The following NMT2 variants were observed in gnomAD, a reference collection of about 807,000 sequenced individuals.
The protein encoded by NMT2 is glycylpeptide N-tetradecanoyltransferase 2.
Under a neutral mutation model 65.4 loss-of-function variants are expected in NMT2, and 35 were observed. The ratio of observed to expected loss-of-function variants is 0.54; its 90% CI spans 0.41 to 0.71. The LOEUF (loss-of-function observed/expected upper bound fraction) is 0.71. Among genes scored for constraint, NMT2 ranks in the 30% least tolerant of loss-of-function variants. The probability of loss-of-function intolerance (pLI) is 0.00; values close to 1 mark genes in which losing one functional copy is unlikely to be tolerated. For missense variants in NMT2, 489 were observed against 611.3 expected (o/e 0.80, Z 2.11); for synonymous variants, 226 against 231.8 (o/e 0.98, Z 0.23).
At chr10:15,157,081 A>C (rs983862566) in intron 1 of NMT2, among the ~76,000 whole-genome samples, 1 of 152,322 alleles carries the variant, frequency 6.6e-6, no homozygotes, top group African/African-American at 2.4e-5. Context: ...GGAAAAAACT[A>C]TGGGAATTTC....
Position 15,106,581 on chromosome 10 carries a change from G to C in NMT2, c.*2614C>G, listed in dbSNP as rs946511496. On this transcript the variant is annotated 3_prime_UTR_variant, in exon 12 of 12. Coordinates refer to ENST00000378165, the MANE Select transcript of NMT2 (RefSeq NM_004808.3). ...ATATTATGTACTACTGTGGGGCCCA[G>C]TCGCCCTCTGGTGGTAGTCTCAGGG... is the stretch of plus-strand genomic sequence containing the variant. 1.6e-5 allele frequency: 15 copies of C among 933,608 alleles called. No homozygotes were observed. The highest frequency in any genetic ancestry group is 1.9e-5 in the Non-Finnish European group (15 of 782,582). The allele number at this position is 933,608 out of a possible 1,614,324, so 57.8% of individuals were successfully genotyped here.
chr10:15,153,440 G>C (rs184096207), intron 1 of NMT2, among the ~76,000 whole-genome samples: 1 of 152,328 alleles, frequency 6.6e-6, no homozygotes, highest in East Asian at 1.9e-4. Flanking sequence ...GACACACCAA[G>C]AGTCCACAAC....
At chr10:15,145,319 G>A (rs1846924429) in intron 1 of NMT2, among the ~76,000 whole-genome samples, 1 of 152,148 alleles carries the variant, frequency 6.6e-6, no homozygotes, top group Admixed American at 6.6e-5. Flanking sequence ...AAAATTGATT[G>A]TACTGATGGG....
Position 15,154,299 on chromosome 10 carries a change from T to A in NMT2, c.111-12742A>T, listed in dbSNP as rs1832912984. ...AGCCTTGGCCATGAGGGTCCAGCAATAGGGGACTAAATAAATAATGGTACC... is the reference window on the plus strand; with the variant it reads ...AGCCTTGGCCATGAGGGTCCAGCAAAAGGGGACTAAATAAATAATGGTACC... On this transcript the variant is annotated intron_variant, in intron 1 of 11. Transcript: ENST00000378165. Among the ~76,000 whole-genome samples the A allele has an allele frequency of 3.3e-5, 5 of 152,194 alleles. No homozygotes were observed. In the South Asian group the frequency reaches 1.0e-3, roughly 31 times the overall value.
chr10:15,155,238 T>C lies in NMT2; in HGVS notation c.110+13265A>G, dbSNP rs757868281. The C allele has an allele frequency of 4.5e-5, 68 of 1,505,464 alleles. No individual in the cohort carries two copies. The African/African-American group carries it at 5.6e-4, about 13-fold the overall frequency. 93.3% of individuals were successfully genotyped at this position (1,505,464 alleles called of 1,614,324 possible). A position where few individuals can be genotyped will look rare whatever the true frequency, so the allele number is the denominator to read the frequency against. On this transcript the variant is annotated intron_variant, in intron 1 of 11. Transcript: ENST00000378165. ...ACGAAAGTTTTCTGTCTTTGGAAAC[T>C]TGTCTGCAAACAGTTCGAAGGAGAC...
intron 1 of NMT2, among the ~76,000 whole-genome samples, chr10:15,145,903 G>C (rs889639254): frequency 1.3e-5 from 2 of 152,118 alleles, no homozygotes; most frequent in Non-Finnish European, 2.9e-5. Context: ...CCCCGTGCCT[G>C]GGTGGGAGAG....
chr10:15,109,581 A>G, intron 11 of NMT2, 121 bp downstream of exon 11: 1 of 794,802 alleles, frequency 1.3e-6, no homozygotes, highest in Non-Finnish European at 1.8e-6. Flanking sequence ...AAAAAAATAA[A>G]TAAATAAATA....
chr10:15,107,773 T>C lies in NMT2; in HGVS notation c.*1422A>G, dbSNP rs1347419094. On this transcript the variant is annotated 3_prime_UTR_variant, in exon 12 of 12. Transcript: ENST00000378165. Reference sequence around the variant, plus strand: ...CCCAGCCAAGGCATCTACTTTGTGGTATCTGAGTTGAGGCCAGGCTACGTG... The same window carrying C: ...CCCAGCCAAGGCATCTACTTTGTGGCATCTGAGTTGAGGCCAGGCTACGTG... 1.0e-6 allele frequency: 1 copy of C among 978,406 alleles called. No individual in the cohort carries two copies. The highest frequency in any genetic ancestry group is 1.2e-6 in the Non-Finnish European group (1 of 829,778). The allele number at this position is 978,406 out of a possible 1,614,324, so 60.6% of individuals were successfully genotyped here. A position where few individuals can be genotyped will look rare whatever the true frequency, so the allele number is the denominator to read the frequency against.
intron 9 of NMT2, 74 bp from the exon 10 acceptor site, chr10:15,113,037 C>T (rs1845618428): frequency 1.4e-6 from 2 of 1,443,334 alleles, no homozygotes; most frequent in East Asian, 2.3e-5. Flanking sequence ...TAACTCTGTT[C>T]TCTCCCTTGC....
At chr10:15,116,017 T>C (rs924527448) in intron 9 of NMT2, among the ~76,000 whole-genome samples, 2 of 152,130 alleles carry the variant, frequency 1.3e-5, no homozygotes, top group African/African-American at 2.4e-5. Context: ...CATCAAGTGA[T>C]AGAACTGCTA....
chr10:15,168,475 G>T (rs1215526298), intron 1 of NMT2, 28 bp downstream of exon 1: 35 of 1,538,560 alleles, frequency 2.3e-5, no homozygotes, highest in Admixed American at 3.5e-5. Flanking sequence ...GCCCTGTCGC[G>T]CCCGGTGCGC....
intron 7 of NMT2, among the ~76,000 whole-genome samples, chr10:15,129,894 T>C (rs7072578): frequency 0.14 from 15,121 of 111,300 alleles, 2,196 homozygotes; most frequent in African/African-American, 0.4. Flanking sequence ...GGCAACAGAG[T>C]AAGAGTCTGC....
chr10:15,109,570 C>G (rs1309815947), intron 11 of NMT2, 132 bp downstream of exon 11: 3 of 749,648 alleles, frequency 4.0e-6, no homozygotes, highest in Non-Finnish European at 5.6e-6. Flanking sequence ...GACTTCATCT[C>G]AAAAAAATAA....
At chr10:15,133,856 G>C (rs189053752) in intron 3 of NMT2, among the ~76,000 whole-genome samples, 46 of 152,296 alleles carry the variant, frequency 3.0e-4, no homozygotes, top group South Asian at 8.3e-4. Flanking sequence ...CCAAAGTGCT[G>C]GGATTGTAGG....
At chr10:15,123,657 G>A (rs557035760) in intron 8 of NMT2, among the ~76,000 whole-genome samples, 6 of 152,084 alleles carry the variant, frequency 3.9e-5, no homozygotes, top group Middle Eastern at 3.4e-3. Flanking sequence ...GCTAGCTTCC[G>A]TATAATGGAA....
chr10:15,140,943 G>A (rs751993379), intron 2 of NMT2: 4 of 1,510,832 alleles, frequency 2.6e-6, no homozygotes, highest in African/African-American at 2.8e-5. Flanking sequence ...AATGAAGAAC[G>A]ACCGCTGCAA....
intron 1 of NMT2, among the ~76,000 whole-genome samples, chr10:15,144,618 C>T (rs939341220): frequency 2.0e-5 from 3 of 152,132 alleles, no homozygotes; most frequent in African/African-American, 4.8e-5. Context: ...GTAGTCCCAG[C>T]TACTCAGGAG....
In NMT2 at chr10:15,168,651, G is replaced by C. The variant is rs780321344; in HGVS notation, c.-39C>G. On this transcript the variant is annotated 5_prime_UTR_variant, in exon 1 of 12. Transcript: ENST00000378165. The stretch of plus-strand genomic sequence containing the variant: ...GCTGGGGAGGCGGTGCTCGGGGCCG[G>C]GCCGGAGCGGCCGCAGCTCCCTCTA... The C allele has an allele frequency of 6.7e-7, 1 of 1,492,886 alleles. No individual in the cohort carries two copies. The highest frequency in any genetic ancestry group is 1.8e-5 in the Admixed American group (1 of 54,228). The allele number at this position is 1,492,886 out of a possible 1,614,324, so 92.5% of individuals were successfully genotyped here.
intron 9 of NMT2, 139 bp from the exon 10 acceptor site, chr10:15,113,102 GC>G: frequency 1.2e-6 from 1 of 863,544 alleles, no homozygotes; most frequent in Non-Finnish European, 1.8e-6. Flanking sequence ...CCAATTTGGG[GC>G]CCCTTATATT....
Sources: allele counts gnomAD v4.1 joint callset (sites outside exome capture counted in the v4.1 genomes callset), GRCh38; gene constraint gnomAD v4.1.1; transcripts MANE v1.5; gene names NCBI Gene and HGNC (gene_info 2026-07-23, HGNC 2026-07-21).